The following P3H2 variants were observed in gnomAD, a reference collection of about 807,000 sequenced individuals.
P3H2 encodes leprecan-like 1.
Under a neutral mutation model 87.0 loss-of-function variants are expected in P3H2, and 80 were observed. The observed-to-expected ratio is 0.92, with a 90% CI of 0.77 to 1.11. The LOEUF is 1.11. Among genes scored for constraint, P3H2 ranks in the 50% least tolerant of loss-of-function variants. P3H2 has a pLI of 0.00. For synonymous variants in P3H2, 367 were observed against 359.3 expected (o/e 1.02, Z -0.24); for missense variants, 1,001 against 923.9 (o/e 1.08, Z -1.08).
intron 1 of P3H2, among the ~76,000 whole-genome samples, chr3:190,036,361 T>A (rs1437266630): frequency 6.6e-6 from 1 of 152,216 alleles, no homozygotes; most frequent in East Asian, 1.9e-4. Context: ...TACAACAGTA[T>A]TGAAAGCCCA....
intron 1 of P3H2, among the ~76,000 whole-genome samples, chr3:190,006,669 T>C (rs189922295): frequency 9.8e-4 from 149 of 152,250 alleles, no homozygotes; most frequent in Admixed American, 9.7e-3. Context: ...TTAGGAGAAA[T>C]GTGAAATCAC....
At chr3:190,090,554 T>G (rs1352610928) in intron 1 of P3H2, among the ~76,000 whole-genome samples, 1 of 151,982 alleles carries the variant, frequency 6.6e-6, no homozygotes, top group African/African-American at 2.4e-5. Flanking sequence ...ATACAAAAAA[T>G]TAGCTGGGCA....
At chr3:190,099,631 T>C (rs1006850123) in intron 1 of P3H2, among the ~76,000 whole-genome samples, 7 of 152,156 alleles carry the variant, frequency 4.6e-5, no homozygotes, top group African/African-American at 1.7e-4. Flanking sequence ...ACTGACCTTT[T>C]TTGTGCAGCA....
chr3:190,009,259 T>A (rs1195909105), intron 1 of P3H2, among the ~76,000 whole-genome samples: 1 of 152,208 alleles, frequency 6.6e-6, no homozygotes. Flanking sequence ...GGTTTTATTT[T>A]GGGGAGAACA....
chr3:190,035,299 AC>A (rs988817939), intron 1 of P3H2, among the ~76,000 whole-genome samples: 2 of 152,178 alleles, frequency 1.3e-5, no homozygotes, highest in African/African-American at 2.4e-5. Context: ...GCATAACTTT[AC>A]AAAAATATTT....
intron 6 of P3H2, 100 bp from the exon 7 acceptor site, chr3:189,984,690 G>A (rs1165201496): frequency 2.4e-6 from 2 of 834,048 alleles, no homozygotes; most frequent in South Asian, 3.0e-5. Flanking sequence ...ACATTCAAAA[G>A]ATCTATAATT....
rs189251414 is a variant in P3H2, at chr3:190,073,774, A to G, written c.480+46478T>C. 2.4e-4 allele frequency among the ~76,000 whole-genome samples: 36 copies of G among 152,338 alleles called. No homozygotes were observed. The East Asian group carries it at 6.7e-3, about 29-fold the overall frequency. Reference sequence around the variant, plus strand: ...AAAGAAGAGATGCTTGCAATAATGGAAATGATTCAACTGCAATCAAGGACT... The same window carrying G: ...AAAGAAGAGATGCTTGCAATAATGGGAATGATTCAACTGCAATCAAGGACT... On this transcript the variant is annotated intron_variant, in intron 1 of 14. Coordinates refer to ENST00000319332, the MANE Select transcript of P3H2 (RefSeq NM_018192.4).
At chr3:190,001,241 C>G (rs78916356) in intron 1 of P3H2, among the ~76,000 whole-genome samples, 2,551 of 152,226 alleles carry the variant, frequency 0.017, 75 homozygotes, top group African/African-American at 0.058. Flanking sequence ...TTGTAAGGCA[C>G]GTGCAACAAA....
chr3:190,071,849 T>A (rs113716066), intron 1 of P3H2, among the ~76,000 whole-genome samples: 5,920 of 151,552 alleles, frequency 0.039, 175 homozygotes, highest in Non-Finnish European at 0.062. Context: ...TACCTATCTA[T>A]AAACAAATCT....
chr3:189,957,915 T>C lies in P3H2; in HGVS notation c.2124A>G (p.Leu708=), dbSNP rs770626253. The change falls in exon 15 of 15, where the codon CTA becomes CTG. Residue 708 remains leucine, a synonymous_variant. Transcript: ENST00000319332. ...HELNINPKDE[L] ...GATAGAACATTCTTTCTCATTTTTA[T>C]AGCTCATCTTTAGGGTTGATATTCA... is the stretch of plus-strand genomic sequence containing the variant. The C allele has an allele frequency of 6.3e-7, 1 of 1,589,388 alleles. No individual in the cohort carries two copies. Among genetic ancestry groups the C allele is most frequent in the East Asian group, 2.2e-5 (1 of 44,760 alleles).
In P3H2 at chr3:190,020,598, GAA is replaced by G. The variant is rs1357322038; in HGVS notation, c.481-25158_481-25157del. Among the ~76,000 whole-genome samples the G allele has an allele frequency of 3.0e-5, 4 of 133,450 alleles. 2 individuals are homozygous for G. Among genetic ancestry groups the G allele is most frequent in the African/African-American group, 5.2e-5 (2 of 38,630 alleles). 87.5% of individuals were successfully genotyped at this position (133,450 alleles called of 152,430 possible). ...AAAAGTCAGAGCTTTCCCCTTTCAT[GAA>G]AGTCTCCTATGTCTCATCAGTGCCA... is the stretch of plus-strand genomic sequence containing the variant. On this transcript the variant is annotated intron_variant, in intron 1 of 14. Coordinates refer to ENST00000319332, the MANE Select transcript of P3H2 (RefSeq NM_018192.4).
chr3:190,083,661 A>G (rs976172432), intron 1 of P3H2, among the ~76,000 whole-genome samples: 2 of 152,224 alleles, frequency 1.3e-5, no homozygotes, highest in African/African-American at 2.4e-5. Flanking sequence ...AACTGAGTAT[A>G]AGAATCCCCT....
At chr3:190,108,683 G>A (rs927847031) in intron 1 of P3H2, among the ~76,000 whole-genome samples, 1 of 151,910 alleles carries the variant, frequency 6.6e-6, no homozygotes, top group African/African-American at 2.4e-5. Context: ...TGACTTACTT[G>A]AAGATAGGAA....
intron 1 of P3H2, among the ~76,000 whole-genome samples, chr3:190,060,132 C>G (rs56906006): frequency 0.13 from 19,690 of 152,034 alleles, 1,611 homozygotes; most frequent in African/African-American, 0.22. Flanking sequence ...TAACAAATAG[C>G]TGAAAGTGTT....
At chr3:189,974,411 G>T in intron 9 of P3H2, 147 bp downstream of exon 9, 2 of 1,119,732 alleles carry the variant, frequency 1.8e-6, no homozygotes, top group Non-Finnish European at 2.6e-6. Flanking sequence ...GGCTATAAAA[G>T]TTCCTCAAAA....
chr3:189,960,288 G>GA lies in P3H2; in HGVS notation c.2035-2285dup, dbSNP rs1291488262. On this transcript the variant is annotated intron_variant, in intron 14 of 14. Coordinates refer to ENST00000319332, the MANE Select transcript of P3H2 (RefSeq NM_018192.4). ...TTCCACACATCATTGGTCACCGTGT[G>GA]AAAAATCTCTCGATTATTTATTTAT... Among the ~76,000 whole-genome samples, 7 of 152,102 alleles carry GA rather than the reference G, an allele frequency of 4.6e-5. 1 individual carries two copies. Among genetic ancestry groups the GA allele is most frequent in the Non-Finnish European group, 8.8e-5 (6 of 68,018 alleles).
At chr3:190,058,791 G>C (rs192238633) in intron 1 of P3H2, among the ~76,000 whole-genome samples, 249 of 152,218 alleles carry the variant, frequency 1.6e-3, no homozygotes, top group Non-Finnish European at 2.3e-3. Context: ...GATAATAAAA[G>C]GATGCTGGGA....
Position 189,974,677 on chromosome 3 carries a change from G to A in P3H2, c.1333C>T (p.Leu445=). ...IDRDLREGGP[L]LYENITFVYN... ...ACGAATGTGATGTTCTCATAGAGTA[G>A]AGGACCACCTACAGGAACAGAGCAC... Residue 445 remains leucine, a synonymous_variant, in exon 9 of 15, where the codon CTA becomes TTA. Coordinates refer to ENST00000319332, the MANE Select transcript of P3H2 (RefSeq NM_018192.4). 11 of 1,614,192 alleles carry A rather than the reference G, an allele frequency of 6.8e-6. No homozygotes were observed. The highest frequency in any genetic ancestry group is 9.3e-6 in the Non-Finnish European group (11 of 1,180,026).
At chr3:189,999,607 A>G (rs1425803125) in intron 1 of P3H2, among the ~76,000 whole-genome samples, 1 of 152,222 alleles carries the variant, frequency 6.6e-6, no homozygotes, top group Non-Finnish European at 1.5e-5. Flanking sequence ...ACAAACCAAC[A>G]GCACACTACA....
Sources: gnomAD v4.1 joint callset for allele counts (sites outside exome capture counted in the v4.1 genomes callset) on GRCh38, gnomAD v4.1.1 for gene constraint, MANE v1.5 for transcripts, NCBI Gene and HGNC (gene_info 2026-07-23, HGNC 2026-07-21) for gene names.